MCM10: variants seen among roughly 807,000 people sequenced by gnomAD.
MCM10 encodes minichromosome maintenance 10 replication initiation factor.
In MCM10, 91 loss-of-function variants were observed where a neutral mutation model predicts 109.9. The ratio of observed to expected loss-of-function variants is 0.83; its 90% CI spans 0.70 to 0.99. The LOEUF (loss-of-function observed/expected upper bound fraction) is 0.99, where lower values mean the gene tolerates loss of function less well. Ranked by LOEUF, MCM10 falls within the 50% of genes least tolerant of loss-of-function variation. MCM10 has a pLI of 0.00. For synonymous variants in MCM10, 380 were observed against 387.2 expected (o/e 0.98, Z 0.22); for missense variants, 1,077 against 1,061.2 (o/e 1.01, Z -0.21).
At position 13,198,775 on chromosome 10, in the gene MCM10, G is replaced by A. The variant is rs920170107; in HGVS notation, c.2206G>A (p.Ala736Thr). The change falls in exon 16 of 20, where the codon GCA becomes ACA. Residue 736 changes from alanine (A) to threonine (T), a missense_variant. Transcript: ENST00000378714. The stretch of plus-strand genomic sequence containing the variant: ...TGAGGAATTTCAGAAAATCCTAAAA[G>A]CAAAATCAAAACACACAGGCATCCT... ...ESEEFQKILK[A>T]KSKHTGILKE... 1 of 1,613,316 alleles carries A rather than the reference G, an allele frequency of 6.2e-7. No homozygotes were observed. The highest frequency in any genetic ancestry group is 1.3e-5 in the African/African-American group (1 of 74,928).
rs1834094529 is a variant in MCM10, at chr10:13,172,885, A to AAAGT, written c.592+121_592+124dup. 1.1e-6 allele frequency: 1 copy of AAAGT among 937,018 alleles called. No homozygotes were observed. The highest frequency in any genetic ancestry group is 1.6e-6 in the Non-Finnish European group (1 of 637,402). 58.0% of individuals were successfully genotyped at this position (937,018 alleles called of 1,614,324 possible). A position where few individuals can be genotyped will look rare whatever the true frequency, so the allele number is the denominator to read the frequency against. On this transcript the variant is annotated intron_variant, in intron 5 of 19. Coordinates refer to ENST00000378714, the MANE Select transcript of MCM10 (RefSeq NM_018518.5). The surrounding 1 kb of genome is among the most constrained non-coding windows in gnomAD (Gnocchi z 5.2). Reference sequence around the variant, plus strand: ...CTGTCTTATGTCCCCATTGAGAAAGAAAGTTTCTTGGGAATGGAAGCCACA... The same window carrying AAAGT: ...CTGTCTTATGTCCCCATTGAGAAAGAAAGTAAGTTTCTTGGGAATGGAAGCCACA...
intron 2 of MCM10, among the ~76,000 whole-genome samples, chr10:13,168,058 T>C (rs952096505): frequency 8.5e-5 from 13 of 152,052 alleles, no homozygotes; most frequent in African/African-American, 2.4e-4. Flanking sequence ...TTGTGAAGGG[T>C]TCAAAGTGAA....
chr10:13,188,721 G>A (rs1254575637), intron 9 of MCM10, among the ~76,000 whole-genome samples, 160 bp from the exon 10 acceptor site: 1 of 152,196 alleles, frequency 6.6e-6, no homozygotes, highest in Non-Finnish European at 1.5e-5. Context: ...TCCCCTCAGG[G>A]ACTGAGCAGC....
Position 13,195,270 on chromosome 10 carries a change from G to A in MCM10, c.1974+1G>A. 9.5e-6 allele frequency: 15 copies of A among 1,587,096 alleles called. No homozygotes were observed. The highest frequency in any genetic ancestry group is 1.3e-5 in the Non-Finnish European group (15 of 1,164,652). Reference sequence around the variant, plus strand: ...GAGTGCTTTAGCAGAAGCCAAAAAGGTAACTGGCATCTCTTCTCTTTAGCA... The same window carrying A: ...GAGTGCTTTAGCAGAAGCCAAAAAGATAACTGGCATCTCTTCTCTTTAGCA... On this transcript the variant is annotated splice_donor_variant, in intron 14 of 19. Coordinates refer to ENST00000378714, the MANE Select transcript of MCM10 (RefSeq NM_018518.5). LOFTEE classifies it high-confidence loss of function.
In MCM10 at chr10:13,210,472, A is replaced by G. The variant is rs1203738301; in HGVS notation, c.*1162A>G. The G allele has an allele frequency of 6.6e-6, 1 of 152,188 alleles. No homozygotes were observed. Among genetic ancestry groups the G allele is most frequent in the Non-Finnish European group, 1.5e-5 (1 of 68,032 alleles). The allele number at this position is 152,188 out of a possible 1,614,324, so 9.4% of individuals were successfully genotyped here. On this transcript the variant is annotated 3_prime_UTR_variant, in exon 20 of 20. Transcript: ENST00000378714. ...AAAGATTGGGTAAATTGGTTGAATT[A>G]TTGTATTGAAGCTTGAGCTGTAGCT...
chr10:13,166,175 G>A (rs1013279571), intron 2 of MCM10, among the ~76,000 whole-genome samples: 2 of 152,078 alleles, frequency 1.3e-5, no homozygotes, highest in African/African-American at 4.8e-5. Context: ...ATTGTAGAAT[G>A]AAGTCTTTGA....
At chr10:13,162,635 A>G (rs1340550243) in intron 1 of MCM10, among the ~76,000 whole-genome samples, 2 of 152,116 alleles carry the variant, frequency 1.3e-5, no homozygotes, top group Non-Finnish European at 2.9e-5. Flanking sequence ...GAGGGTGCAC[A>G]GTTTCATTTT....
chr10:13,197,323 A>G (rs1307003420), intron 14 of MCM10, among the ~76,000 whole-genome samples: 4 of 152,160 alleles, frequency 2.6e-5, no homozygotes, highest in Non-Finnish European at 5.9e-5. Flanking sequence ...TCTGATTCTA[A>G]AACTTCCAAA....
At chr10:13,165,422 G>T (rs1272607837) in intron 2 of MCM10, among the ~76,000 whole-genome samples, 2 of 152,124 alleles carry the variant, frequency 1.3e-5, no homozygotes, top group Non-Finnish European at 2.9e-5. Context: ...GTAGTTTCCT[G>T]TTTCTTAAAA....
In MCM10 at chr10:13,188,985, G is replaced by A. The variant is rs2131576870; in HGVS notation, c.1320G>A (p.Lys440=). Residue 440 remains lysine, a synonymous_variant, in exon 10 of 20, where the codon AAG becomes AAA. Transcript: ENST00000378714. ...QSTFSGGRIP[K]KFARRGTSLK... ...CCTTCTCTGGAGGACGAATTCCAAA[G>A]AAGTTTGCCCGCAGAGGCACCAGCC... The A allele has an allele frequency of 6.2e-7, 1 of 1,614,258 alleles. No homozygotes were observed. The highest frequency in any genetic ancestry group is 1.1e-5 in the South Asian group (1 of 91,088).
intron 2 of MCM10, among the ~76,000 whole-genome samples, chr10:13,167,173 A>T (rs1834012783): frequency 6.6e-6 from 1 of 152,144 alleles, no homozygotes; most frequent in Non-Finnish European, 1.5e-5. Flanking sequence ...ACCAGTCAGC[A>T]TGGTAGCGAG....
intron 9 of MCM10, among the ~76,000 whole-genome samples, chr10:13,188,321 A>G (rs1834301434): frequency 6.6e-6 from 1 of 152,182 alleles, no homozygotes; most frequent in African/African-American, 2.4e-5. Flanking sequence ...TATTGGGTCA[A>G]AATTCACAAT....
At chr10:13,180,251 TAAA>T (rs60239568) in intron 6 of MCM10, among the ~76,000 whole-genome samples, 188 bp from the exon 7 acceptor site, 1 of 142,936 alleles carries the variant, frequency 7.0e-6, no homozygotes. Context: ...ACTCCATCTT[TAAA>T]AAAAAAAAAA....
intron 10 of MCM10, among the ~76,000 whole-genome samples, chr10:13,190,556 AT>A (rs1834334405): frequency 6.6e-6 from 1 of 152,080 alleles, no homozygotes; most frequent in Non-Finnish European, 1.5e-5. Context: ...ATGGTGGCAC[AT>A]GCCTGTAGTC....
chr10:13,162,995 C>A (rs992416913), intron 1 of MCM10, among the ~76,000 whole-genome samples: 1 of 151,582 alleles, frequency 6.6e-6, no homozygotes, highest in African/African-American at 2.4e-5. Context: ...AGGAGAATGG[C>A]GTGAACCCGG....
intron 6 of MCM10, among the ~76,000 whole-genome samples, chr10:13,178,931 T>C (rs533888952): frequency 2.6e-5 from 4 of 152,364 alleles, no homozygotes; most frequent in African/African-American, 9.6e-5. Context: ...CTTCTTTGGT[T>C]AAGTGTATTC....
In MCM10 at chr10:13,209,091, T is replaced by G; in HGVS notation, c.2499T>G (p.Ser833Arg). 1 of 1,611,684 alleles carries G rather than the reference T, an allele frequency of 6.2e-7. No homozygotes were observed. The highest frequency in any genetic ancestry group is 1.7e-5 in the Admixed American group (1 of 60,016). The change falls in exon 19 of 20, where the codon AGT becomes AGG. Residue 833 changes from serine to arginine, a missense_variant and splice_region_variant. By Grantham distance (110) the Ser-to-Arg change is moderately radical. Coordinates refer to ENST00000378714, the MANE Select transcript of MCM10 (RefSeq NM_018518.5). ...SLDRLPNKHC[S>R]NCGLYKWERD... ...AGTAAATCCATCTGTTCTGTTTCAG[T>G]AACTGTGGCCTCTACAAATGGGAAC...
intron 10 of MCM10, among the ~76,000 whole-genome samples, chr10:13,190,611 G>A (rs1306192783): frequency 6.6e-6 from 1 of 152,104 alleles, no homozygotes; most frequent in East Asian, 1.9e-4. Context: ...CTTGAGCCTG[G>A]GGAAGTTGAG....
chr10:13,164,196 T>C lies in MCM10; in HGVS notation c.-7T>C, dbSNP rs1287971026. The C allele has an allele frequency of 1.3e-6, 2 of 1,598,064 alleles. No homozygotes were observed. The highest frequency in any genetic ancestry group is 2.7e-5 in the African/African-American group (2 of 74,102). Reference sequence around the variant, plus strand: ...AAGTTTCCTGTCACAACTGTCCTCTTGACAGCATGGATGGTAAGACCTGGC... The same window carrying C: ...AAGTTTCCTGTCACAACTGTCCTCTCGACAGCATGGATGGTAAGACCTGGC... On this transcript the variant is annotated 5_prime_UTR_variant, in exon 2 of 20. Transcript: ENST00000378714.
Sources: allele counts gnomAD v4.1 joint callset (sites outside exome capture counted in the v4.1 genomes callset), GRCh38; gene constraint gnomAD v4.1.1; non-coding constraint Gnocchi (gnomAD v3.1); transcripts MANE v1.5; gene names NCBI Gene and HGNC (gene_info 2026-07-23, HGNC 2026-07-21).